CNTNAP4: variants seen among roughly 807,000 people sequenced by gnomAD.
CNTNAP4 encodes contactin associated protein family member 4, also known as contactin-associated protein-like 4.
CNTNAP4 carries 98 observed loss-of-function variants against 148.4 expected under a neutral mutation model. The observed-to-expected ratio is 0.66, with a 90% confidence interval of 0.56 to 0.78. The LOEUF is 0.78. CNTNAP4 is among the 30% of genes least tolerant of loss of function. The pLI is 0.00. For synonymous variants in CNTNAP4, 730 were observed against 565.1 expected (o/e 1.29, Z -4.14); for missense variants, 1,935 against 1,565.6 (o/e 1.24, Z -3.98).
At chr16:76,483,609 C>T (rs541096573) in intron 12 of CNTNAP4, among the ~76,000 whole-genome samples, 1 of 152,058 alleles carries the variant, frequency 6.6e-6, no homozygotes, top group Non-Finnish European at 1.5e-5. Context: ...TAGGAGCACT[C>T]GACAACATTT....
intron 7 of CNTNAP4, among the ~76,000 whole-genome samples, chr16:76,451,962 A>ATT (rs1568226981): frequency 6.6e-6 from 1 of 152,256 alleles, no homozygotes; most frequent in East Asian, 1.9e-4. Context: ...CTCATTACGT[A>ATT]TTATATATAT....
intron 17 of CNTNAP4, 121 bp downstream of exon 17, chr16:76,522,378 C>T: frequency 1.2e-6 from 1 of 826,356 alleles, no homozygotes; most frequent in South Asian, 1.7e-5. Flanking sequence ...AACAAATCAC[C>T]ATGGATTCAC....
intron 1 of CNTNAP4, among the ~76,000 whole-genome samples, chr16:76,295,831 T>G (rs1959233832): frequency 6.6e-6 from 1 of 152,206 alleles, no homozygotes; most frequent in Non-Finnish European, 1.5e-5. Context: ...ATTTATTTAT[T>G]TTTTGAAACA....
chr16:76,328,184 C>A (rs1963181851), intron 2 of CNTNAP4, among the ~76,000 whole-genome samples: 2 of 152,314 alleles, frequency 1.3e-5, no homozygotes, highest in South Asian at 4.1e-4. Flanking sequence ...GTGGAGAAAT[C>A]TGACAAACAC....
chr16:76,347,077 A>G (rs1019940722), intron 2 of CNTNAP4, among the ~76,000 whole-genome samples: 2 of 152,142 alleles, frequency 1.3e-5, no homozygotes, highest in Non-Finnish European at 2.9e-5. Context: ...ACAAAGCAAT[A>G]CATACATCTT....
chr16:76,397,230 A>G (rs1016670960), intron 3 of CNTNAP4, among the ~76,000 whole-genome samples: 8 of 152,172 alleles, frequency 5.3e-5, no homozygotes, highest in South Asian at 4.1e-4. Context: ...CAGAGAATCC[A>G]TGGATTATGC....
chr16:76,491,484 G>A (rs7188308), intron 13 of CNTNAP4, among the ~76,000 whole-genome samples: 2 of 152,058 alleles, frequency 1.3e-5, no homozygotes, highest in East Asian at 1.9e-4. Context: ...GGCATAGCAC[G>A]TACAAAGTGC....
At chr16:76,411,153 A>G (rs2078778512) in intron 3 of CNTNAP4, among the ~76,000 whole-genome samples, 1 of 151,464 alleles carries the variant, frequency 6.6e-6, no homozygotes, top group African/African-American at 2.4e-5. Flanking sequence ...ATTCAACTCT[A>G]TCCAAACTTT....
At chr16:76,474,628 A>ATG (rs141195173) in intron 10 of CNTNAP4, among the ~76,000 whole-genome samples, 2,240 of 152,270 alleles carry the variant, frequency 0.015, 67 homozygotes, top group African/African-American at 0.051. Flanking sequence ...TCTGTAATGA[A>ATG]TGAGGGCATT....
chr16:76,338,713 G>A (rs1341542822), intron 2 of CNTNAP4, among the ~76,000 whole-genome samples: 1 of 152,138 alleles, frequency 6.6e-6, no homozygotes, highest in East Asian at 1.9e-4. Context: ...ACAGACCCTG[G>A]AGACAGACTG....
At chr16:76,455,655 G>T (rs565195373) in intron 8 of CNTNAP4, among the ~76,000 whole-genome samples, 2 of 152,182 alleles carry the variant, frequency 1.3e-5, no homozygotes, top group Admixed American at 6.5e-5. Flanking sequence ...TAGTGACTAC[G>T]GTTAGTGGAT....
chr16:76,532,409 C>T (rs2084024974), intron 17 of CNTNAP4, among the ~76,000 whole-genome samples: 1 of 152,080 alleles, frequency 6.6e-6, no homozygotes, highest in South Asian at 2.1e-4. Context: ...TCATCCAAAA[C>T]AAACTAAACA....
At chr16:76,522,937 G>C (rs1034481082) in intron 17 of CNTNAP4, among the ~76,000 whole-genome samples, 1 of 151,236 alleles carries the variant, frequency 6.6e-6, no homozygotes, top group Non-Finnish European at 1.5e-5. Flanking sequence ...TAATTTGTTT[G>C]TATTTTTAGT....
chr16:76,519,698 T>G (rs1383961963), intron 15 of CNTNAP4, among the ~76,000 whole-genome samples: 1 of 152,188 alleles, frequency 6.6e-6, no homozygotes, highest in Non-Finnish European at 1.5e-5. Flanking sequence ...CAGGAATAGC[T>G]GTAAAAGGGA....
intron 2 of CNTNAP4, among the ~76,000 whole-genome samples, chr16:76,326,366 G>A (rs1000556983): frequency 7.2e-5 from 11 of 152,186 alleles, no homozygotes; most frequent in Non-Finnish European, 1.2e-4. Context: ...AGGACTCCTA[G>A]CTTTCTTGCC....
rs1378822050 is a variant in CNTNAP4 at position 76,277,549 on chromosome 16, C to T, written c.-114C>T. ...GTGAGGAGGAAGGGAGGGGGAGAGA[C>T]AGAGACCTAGAGGGGCTGAAGACCC... is the stretch of plus-strand genomic sequence containing the variant. On this transcript the variant is annotated 5_prime_UTR_variant, in exon 1 of 24. Coordinates refer to ENST00000611870, the MANE Select transcript of CNTNAP4 (RefSeq NM_033401.5). 3 of 660,984 alleles carry T rather than the reference C, an allele frequency of 4.5e-6. No individual in the cohort carries two copies. The highest frequency in any genetic ancestry group is 1.8e-5 in the African/African-American group (1 of 54,952). The allele number at this position is 660,984 out of a possible 1,614,324, so 40.9% of individuals were successfully genotyped here.
intron 2 of CNTNAP4, among the ~76,000 whole-genome samples, chr16:76,324,849 A>C (rs1962800624): frequency 6.6e-6 from 1 of 152,102 alleles, no homozygotes; most frequent in Non-Finnish European, 1.5e-5. Flanking sequence ...TGAGTGGCCC[A>C]CCCTCGTGAC....
intron 3 of CNTNAP4, among the ~76,000 whole-genome samples, chr16:76,359,835 CATA>C (rs2013184708): frequency 6.6e-6 from 1 of 152,102 alleles, no homozygotes; most frequent in Admixed American, 6.5e-5. Context: ...AAAAAGTAAA[CATA>C]AGGTATAATT....
At chr16:76,338,326 G>T (rs1435205402) in intron 2 of CNTNAP4, among the ~76,000 whole-genome samples, 1 of 151,882 alleles carries the variant, frequency 6.6e-6, no homozygotes, top group Non-Finnish European at 1.5e-5. Context: ...ATAACAATCT[G>T]GCTCCATTCT....
Sources: allele counts gnomAD v4.1 joint callset (sites outside exome capture counted in the v4.1 genomes callset), GRCh38; gene constraint gnomAD v4.1.1; transcripts MANE v1.5; gene names NCBI Gene and HGNC (gene_info 2026-07-23, HGNC 2026-07-21).